TTC12: variants seen among roughly 807,000 people sequenced by gnomAD.
TTC12 encodes the protein tetratricopeptide repeat protein 12.
TTC12 carries 70 observed loss-of-function variants against 90.1 expected under a neutral mutation model. The observed-to-expected ratio is 0.78, with a 90% CI of 0.64 to 0.95. The LOEUF (loss-of-function observed/expected upper bound fraction) is 0.95, where lower values mean the gene tolerates loss of function less well. TTC12 is among the 40% of genes least tolerant of loss of function. The pLI is 0.00. For missense variants in TTC12, 819 were observed against 846.1 expected (o/e 0.97, Z 0.40); for synonymous variants, 296 against 311.5 (o/e 0.95, Z 0.53).
chr11:113,328,116 G>C (rs542095057), intron 6 of TTC12, among the ~76,000 whole-genome samples: 1 of 152,288 alleles, frequency 6.6e-6, no homozygotes, highest in South Asian at 2.1e-4. Context: ...ACAATCCTAT[G>C]TGTAGTACTG....
chr11:113,337,010 T>C (rs1190997210), intron 8 of TTC12, among the ~76,000 whole-genome samples: 1 of 152,252 alleles, frequency 6.6e-6, no homozygotes, highest in Non-Finnish European at 1.5e-5. Context: ...ATAAGATATG[T>C]CTTTAAAATA....
intron 19 of TTC12, 84 bp from the exon 20 acceptor site, chr11:113,363,744 G>T: frequency 1.1e-6 from 1 of 900,282 alleles, no homozygotes. Context: ...AGCCACTAGC[G>T]CTATAATAAC....
chr11:113,323,192 A>G, intron 2 of TTC12, 96 bp from the exon 3 acceptor site: 1 of 961,436 alleles, frequency 1.0e-6, no homozygotes, highest in East Asian at 3.2e-5. Flanking sequence ...TTTTTTCTTT[A>G]AGATCTTTCC....
intron 12 of TTC12, among the ~76,000 whole-genome samples, chr11:113,343,188 G>A (rs909385071): frequency 6.6e-6 from 1 of 152,104 alleles, no homozygotes; most frequent in South Asian, 2.1e-4. Flanking sequence ...TTACAGGGTA[G>A]GATGTATAAT....
downstream of TTC12, among the ~76,000 whole-genome samples, chr11:113,366,839 C>G (rs1275792138): frequency 2.6e-5 from 4 of 152,186 alleles, no homozygotes; most frequent in Non-Finnish European, 5.9e-5. Flanking sequence ...GTGGTGTCTC[C>G]CCTGTTAGGA....
At chr11:113,333,454 C>T (rs782607838) in intron 7 of TTC12, among the ~76,000 whole-genome samples, 19 of 152,064 alleles carry the variant, frequency 1.2e-4, no homozygotes, top group Non-Finnish European at 1.0e-4. Context: ...CATTTATATG[C>T]TTTTTTCTGT....
At chr11:113,335,066 T>C (rs1555143660) in intron 8 of TTC12, 29 bp downstream of exon 8, 1 of 1,539,042 alleles carries the variant, frequency 6.5e-7, no homozygotes, top group Admixed American at 1.7e-5. Context: ...GTAATTGACA[T>C]GTTTGATCAC....
At chr11:113,373,216 C>A in exon 22 of TTC12, 1 of 985,422 alleles carries the variant, frequency 1.0e-6, no homozygotes, top group South Asian at 4.7e-5. Context: ...CTGTCCCCAA[C>A]CCATGCGATT....
chr11:113,372,814 G>A (rs1021282977), intron 21 of TTC12, among the ~76,000 whole-genome samples: 1 of 152,016 alleles, frequency 6.6e-6, no homozygotes. Context: ...GCCAATGTTG[G>A]GCATCAACCC....
At chr11:113,336,088 C>A (rs1312929397) in intron 8 of TTC12, among the ~76,000 whole-genome samples, 3 of 152,042 alleles carry the variant, frequency 2.0e-5, no homozygotes, top group African/African-American at 7.2e-5. Flanking sequence ...ATACTTGTTA[C>A]TTATTTTTTT....
Position 113,360,024 on chromosome 11 carries a change from G to A in TTC12, c.1614+16G>A. ...AATCCTGACAGTAAGTTTCTCCCAGGGAAATCCAGAAGCAGCTTCCATTGT... is the reference window on the plus strand; with the variant it reads ...AATCCTGACAGTAAGTTTCTCCCAGAGAAATCCAGAAGCAGCTTCCATTGT... On this transcript the variant is annotated intron_variant, in intron 18 of 21. Transcript: ENST00000529221. The A allele has an allele frequency of 7.0e-7, 1 of 1,424,584 alleles. No individual in the cohort carries two copies. The highest frequency in any genetic ancestry group is 1.2e-5 in the South Asian group (1 of 80,652). The allele number at this position is 1,424,584 out of a possible 1,614,324, so 88.2% of individuals were successfully genotyped here. A position where few individuals can be genotyped will look rare whatever the true frequency, so the allele number is the denominator to read the frequency against.
chr11:113,359,065 T>C (rs1949776527), intron 16 of TTC12, among the ~76,000 whole-genome samples: 1 of 151,852 alleles, frequency 6.6e-6, no homozygotes, highest in Non-Finnish European at 1.5e-5. Context: ...GATCCTGATT[T>C]GAAGGATTTT....
In TTC12 at chr11:113,336,504, T is replaced by G. The variant is rs902508969; in HGVS notation, c.576+1467T>G. On this transcript the variant is annotated intron_variant, in intron 8 of 21. Coordinates refer to ENST00000529221, the MANE Select transcript of TTC12 (RefSeq NM_017868.4). ...CCTATATTTTCTTCTAAAAGTTTTA[T>G]GGCTTTAGCTCTTAAATTTAGCTAT... Among the ~76,000 whole-genome samples, 3 of 152,208 alleles carry G rather than the reference T, an allele frequency of 2.0e-5. No individual in the cohort carries two copies. The South Asian group carries it at 6.2e-4, about 31-fold the overall frequency.
At chr11:113,353,573 T>C (rs1369239034) in intron 16 of TTC12, among the ~76,000 whole-genome samples, 4 of 152,206 alleles carry the variant, frequency 2.6e-5, no homozygotes, top group Non-Finnish European at 5.9e-5. Flanking sequence ...CTAGGTTATC[T>C]TCCAGGGTTT....
At chr11:113,358,237 G>A (rs1646936619) in intron 16 of TTC12, among the ~76,000 whole-genome samples, 1 of 152,212 alleles carries the variant, frequency 6.6e-6, no homozygotes, top group Non-Finnish European at 1.5e-5. Context: ...GGGCAGGACT[G>A]CACTCCCGTG....
At chr11:113,324,417 C>G (rs1194464098) in intron 4 of TTC12, among the ~76,000 whole-genome samples, 188 bp from the exon 5 acceptor site, 1 of 152,180 alleles carries the variant, frequency 6.6e-6, no homozygotes, top group Admixed American at 6.5e-5. Flanking sequence ...ATGCATCACA[C>G]AGATTACCAT....
At chr11:113,322,670 A>G (rs1555139027) in intron 2 of TTC12, among the ~76,000 whole-genome samples, 1 of 152,198 alleles carries the variant, frequency 6.6e-6, no homozygotes, top group African/African-American at 2.4e-5. Context: ...CCAGGCATCT[A>G]TCTGTCTCCC....
chr11:113,316,852 G>A (rs1210465059), intron 2 of TTC12, among the ~76,000 whole-genome samples: 1 of 152,226 alleles, frequency 6.6e-6, no homozygotes, highest in Non-Finnish European at 1.5e-5. Flanking sequence ...AATGTACTCT[G>A]ATCCCACAGA....
chr11:113,337,329 T>C (rs545707905), intron 8 of TTC12, among the ~76,000 whole-genome samples: 1 of 152,248 alleles, frequency 6.6e-6, no homozygotes, highest in South Asian at 2.1e-4. Context: ...AACAATCAAA[T>C]AGATGTGTAG....
Sources: allele counts gnomAD v4.1 joint callset (sites outside exome capture counted in the v4.1 genomes callset), GRCh38; gene constraint gnomAD v4.1.1; transcripts MANE v1.5; gene names NCBI Gene and HGNC (gene_info 2026-07-23, HGNC 2026-07-21).